The following CSRNP2 variants were observed in gnomAD, a reference collection of about 807,000 sequenced individuals.
CSRNP2 encodes the protein cysteine/serine-rich nuclear protein 2.
In CSRNP2, 11 loss-of-function variants were observed where a neutral mutation model predicts 36.6. The observed-to-expected ratio is 0.30, with a 90% CI of 0.19 to 0.50. The LOEUF (loss-of-function observed/expected upper bound fraction) is 0.50. Among genes scored for constraint, CSRNP2 ranks in the 20% least tolerant of loss-of-function variants. The pLI is 0.98. For missense variants in CSRNP2, 483 were observed against 691.4 expected (o/e 0.70, Z 3.38); for synonymous variants, 248 against 275.3 (o/e 0.90, Z 0.98).
rs1938555197 is a variant in CSRNP2 at position 51,067,843 on chromosome 12, T to C, written c.538A>G (p.Thr180Ala). The C allele has an allele frequency of 1.2e-6, 2 of 1,614,208 alleles. No individual in the cohort carries two copies. Among genetic ancestry groups the C allele is most frequent in the South Asian group, 1.1e-5 (1 of 91,084 alleles). Residue 180 changes from threonine to alanine, a missense_variant, in exon 4 of 5, where the codon ACC becomes GCC. Coordinates refer to ENST00000228515, the MANE Select transcript of CSRNP2 (RefSeq NM_030809.3). This position sits in a 1 kb window ranked among gnomAD's most constrained non-coding sequence, Gnocchi z 4.1. ...CTCAGCAGGGCCCGTCGCCGTTTGG[T>C]GGGCAGAGGCTGCAGGAAGAAGTAA... ...DDYFFLQPLP[T>A]KRRRALLRAS...
intron 1 of CSRNP2, among the ~76,000 whole-genome samples, chr12:51,079,593 C>A (rs1157951985): frequency 8.2e-6 from 1 of 121,544 alleles, no homozygotes; most frequent in East Asian, 2.1e-4. Context: ...GAAACCCCAT[C>A]TCCACTAAAA....
At chr12:51,065,147 C>CTACTTCAAA (rs1938021885) in intron 4 of CSRNP2, among the ~76,000 whole-genome samples, 1 of 152,080 alleles carries the variant, frequency 6.6e-6, no homozygotes, top group East Asian at 1.9e-4. Flanking sequence ...GAAGATCTTG[C>CTACTTCAAA]TACTTCAAAA....
At position 51,064,376 on chromosome 12, in the gene CSRNP2, C is replaced by T. The variant is rs1937890526; in HGVS notation, c.1002G>A (p.Glu334=). ...TGGAATCTTCTTCTGCCTTGAGCCG[C>T]TCCAGTTCCTCTGCACTCTGCAGGT... ...VMHLQSAEEL[E]RLKAEEDSSG... The change falls in exon 5 of 5, where the codon GAG becomes GAA. Residue 334 remains glutamate, a synonymous_variant. Transcript: ENST00000228515. 1 of 1,614,232 alleles carries T rather than the reference C, an allele frequency of 6.2e-7. No homozygotes were observed. Among genetic ancestry groups the T allele is most frequent in the South Asian group, 1.1e-5 (1 of 91,088 alleles).
intron 1 of CSRNP2, among the ~76,000 whole-genome samples, chr12:51,079,978 C>T (rs1300308761): frequency 1.4e-5 from 2 of 141,850 alleles, no homozygotes; most frequent in Non-Finnish European, 3.0e-5. Flanking sequence ...GAGGCTGAGG[C>T]AGGAGAATCG....
rs1029000388 is a variant in CSRNP2 at position 51,064,402 on chromosome 12, G to A, written c.976C>T (p.His326Tyr). Residue 326 changes from histidine to tyrosine, a missense_variant, in exon 5 of 5, where the codon CAC becomes TAC. His to Tyr is a moderately conservative substitution (Grantham distance 83). This residue lies in a region of CSRNP2 where 277 missense variants were observed against 323.6 expected (regional missense o/e 0.86). Coordinates refer to ENST00000228515, the MANE Select transcript of CSRNP2 (RefSeq NM_030809.3). ...FIAENETAVMHLQSAEELERL... is the reference protein window; with the variant it reads ...FIAENETAVMYLQSAEELERL... ...TCCAGTTCCTCTGCACTCTGCAGGT[G>A]CATCACTGCTGTCTCATTCTCAGCA... The A allele has an allele frequency of 1.2e-6, 2 of 1,613,912 alleles. No individual in the cohort carries two copies. Among genetic ancestry groups the A allele is most frequent in the South Asian group, 1.1e-5 (1 of 91,086 alleles).
chr12:51,063,243 CAG>C lies in CSRNP2; in HGVS notation c.*501_*502del, dbSNP rs1407640917. On this transcript the variant is annotated 3_prime_UTR_variant, in exon 5 of 5. Coordinates refer to ENST00000228515, the MANE Select transcript of CSRNP2 (RefSeq NM_030809.3). The stretch of plus-strand genomic sequence containing the variant: ...AAATCCTGGAGATTTTGTACAGAAG[CAG>C]AGACCCTTCCACTCCCTCCTCCCTA... 2 of 152,238 alleles carry C rather than the reference CAG, an allele frequency of 1.3e-5. No homozygotes were observed. Among genetic ancestry groups the C allele is most frequent in the East Asian group, 3.9e-4 (2 of 5,170 alleles). 9.4% of individuals were successfully genotyped at this position (152,238 alleles called of 1,614,324 possible).
chr12:51,073,172 T>C (rs536096685), intron 3 of CSRNP2, among the ~76,000 whole-genome samples: 109 of 152,106 alleles, frequency 7.2e-4, no homozygotes, highest in South Asian at 3.7e-3. Context: ...TGAGCTGTGA[T>C]TGAGCCACTG....
In CSRNP2 at chr12:51,076,634, G is replaced by C. The variant is rs1939413975; in HGVS notation, c.-73C>G. On this transcript the variant is annotated 5_prime_UTR_variant, in exon 2 of 5. Transcript: ENST00000228515. ...GCCCCTACTCACCACCAGCTAGCCA[G>C]GTACATTAGGATTCTGCCCAGGGAA... 1.0e-5 allele frequency: 16 copies of C among 1,558,332 alleles called. No homozygotes were observed. The highest frequency in any genetic ancestry group is 3.5e-4 in the Middle Eastern group (2 of 5,700).
In CSRNP2 at chr12:51,063,955, C is replaced by T; in HGVS notation, c.1423G>A (p.Val475Met). ...GCTTCTAGGGTGGGTGTTTTCCCCA[C>T]CTCTGATTTACAGAGGGCAGCTGGG... ...TDPAALCKSE[V>M]GKTPTLEALL... The change falls in exon 5 of 5, where the codon GTG becomes ATG. Residue 475 changes from valine to methionine, a missense_variant. Val to Met is a conservative substitution (Grantham distance 21). Around this residue, in one of 2 missense-constraint regions of CSRNP2, gnomAD observed 277 missense variants for 323.6 expected, o/e 0.86. Coordinates refer to ENST00000228515, the MANE Select transcript of CSRNP2 (RefSeq NM_030809.3). 6.2e-7 allele frequency: 1 copy of T among 1,613,026 alleles called. No individual in the cohort carries two copies. The highest frequency in any genetic ancestry group is 1.3e-5 in the African/African-American group (1 of 74,998).
intron 2 of CSRNP2, 56 bp from the exon 3 acceptor site, chr12:51,074,138 G>T: frequency 6.5e-7 from 1 of 1,540,680 alleles, no homozygotes; most frequent in Admixed American, 1.9e-5. Context: ...TTTATTTAGA[G>T]ATGGAGTCTC....
intron 1 of CSRNP2, among the ~76,000 whole-genome samples, chr12:51,077,234 C>T (rs374895273): frequency 6.6e-6 from 1 of 152,158 alleles, no homozygotes; most frequent in Admixed American, 6.5e-5. Context: ...GCACACACCA[C>T]TGAACCCGGC....
chr12:51,079,382 GACAA>G (rs1049508611), intron 1 of CSRNP2, among the ~76,000 whole-genome samples: 3 of 151,536 alleles, frequency 2.0e-5, no homozygotes, highest in African/African-American at 7.3e-5. Context: ...GATACCGATC[GACAA>G]ACAAATTTCT....
At chr12:51,079,201 C>T (rs1158578249) in intron 1 of CSRNP2, among the ~76,000 whole-genome samples, 1 of 152,000 alleles carries the variant, frequency 6.6e-6, no homozygotes, top group African/African-American at 2.4e-5. Flanking sequence ...GGATGGGGAA[C>T]ATCACACACC....
intron 2 of CSRNP2, among the ~76,000 whole-genome samples, chr12:51,074,792 C>A (rs1014452739): frequency 6.6e-6 from 1 of 152,090 alleles, no homozygotes; most frequent in South Asian, 2.1e-4. Context: ...TCAGGCCGGG[C>A]ATGGTGGCTC....
At chr12:51,081,218 G>A (rs4465418) in intron 1 of CSRNP2, among the ~76,000 whole-genome samples, 25,929 of 152,182 alleles carry the variant, frequency 0.17, 3,066 homozygotes, top group Non-Finnish European at 0.27. Flanking sequence ...AACCCAGGAG[G>A]CAGAGGTTGC....
At position 51,067,551 on chromosome 12, in the gene CSRNP2, TG is replaced by T; in HGVS notation, c.708+121del. ...TGTTGACGGAGGAGGGTTGTGGAAC[TG>T]GAGAGTGTTCACAACCATAGGGAAT... On this transcript the variant is annotated intron_variant, in intron 4 of 4. Transcript: ENST00000228515. This position sits in a 1 kb window ranked among gnomAD's most constrained non-coding sequence, Gnocchi z 4.1. 2.2e-6 allele frequency: 2 copies of T among 895,650 alleles called. No homozygotes were observed. Among genetic ancestry groups the T allele is most frequent in the African/African-American group, 1.6e-5 (1 of 60,608 alleles). 55.5% of individuals were successfully genotyped at this position (895,650 alleles called of 1,614,324 possible). A position where few individuals can be genotyped will look rare whatever the true frequency, so the allele number is the denominator to read the frequency against.
chr12:51,083,046 T>C (rs1939703110), intron 1 of CSRNP2: 1 of 152,050 alleles, frequency 6.6e-6, no homozygotes, highest in Non-Finnish European at 1.5e-5. Context: ...CCGAACTCAA[T>C]CCTCATCTGC....
intron 1 of CSRNP2, 100 bp from the exon 2 acceptor site, chr12:51,076,747 G>C (rs1366517247): frequency 1.7e-6 from 1 of 595,948 alleles, no homozygotes; most frequent in South Asian, 2.2e-5. Context: ...ACCTAGCACT[G>C]ATGTCTGCTT....
At chr12:51,065,883 T>C (rs1938164667) in intron 4 of CSRNP2, among the ~76,000 whole-genome samples, 1 of 152,128 alleles carries the variant, frequency 6.6e-6, no homozygotes. Context: ...CAGCTAAAAA[T>C]AAAGAAAGAG....
Sources: allele counts gnomAD v4.1 joint callset (sites outside exome capture counted in the v4.1 genomes callset), GRCh38; gene constraint gnomAD v4.1.1; regional missense constraint gnomAD v4.1.1; non-coding constraint Gnocchi (gnomAD v3.1); transcripts MANE v1.5; gene names NCBI Gene and HGNC (gene_info 2026-07-23, HGNC 2026-07-21).